OPCML: variants seen among roughly 807,000 people sequenced by gnomAD.
OPCML encodes opioid binding protein/cell adhesion molecule like, also known as opioid-binding protein/cell adhesion molecule.
OPCML carries 13 observed loss-of-function variants against 37.8 expected under a neutral mutation model. The observed-to-expected ratio is 0.34, with a 90% CI of 0.22 to 0.55. The LOEUF (loss-of-function observed/expected upper bound fraction) is 0.55, where lower values mean the gene tolerates loss of function less well. OPCML is among the 20% of genes least tolerant of loss of function. The probability of loss-of-function intolerance (pLI) is 0.91; values close to 1 mark genes in which losing one functional copy is unlikely to be tolerated. For missense variants in OPCML, 341 were observed against 435.6 expected (o/e 0.78, Z 1.93); for synonymous variants, 176 against 168.8 (o/e 1.04, Z -0.33).
chr11:132,940,949 T>A (rs551610928), intron 2 of OPCML, among the ~76,000 whole-genome samples: 1 of 152,222 alleles, frequency 6.6e-6, no homozygotes, highest in South Asian at 2.1e-4. Flanking sequence ...GATAACGTGC[T>A]GAATTTCCCT....
intron 1 of OPCML, among the ~76,000 whole-genome samples, chr11:133,343,162 A>G (rs1479037208): frequency 6.6e-6 from 1 of 152,042 alleles, no homozygotes; most frequent in Non-Finnish European, 1.5e-5. Flanking sequence ...ATTACAAGAG[A>G]GTAACAAAGT....
intron 4 of OPCML, among the ~76,000 whole-genome samples, chr11:132,458,280 A>G (rs1334387159): frequency 6.6e-6 from 1 of 152,242 alleles, no homozygotes; most frequent in Non-Finnish European, 1.5e-5. Flanking sequence ...TAACATGCAT[A>G]GAAGATAAGT....
intron 4 of OPCML, among the ~76,000 whole-genome samples, chr11:132,484,986 T>A (rs2096194741): frequency 6.6e-6 from 1 of 152,132 alleles, no homozygotes; most frequent in Admixed American, 6.6e-5. Flanking sequence ...AGTTAGTGGG[T>A]GCAGCACACC....
intron 4 of OPCML, among the ~76,000 whole-genome samples, chr11:132,462,799 C>T (rs552562138): frequency 5.3e-5 from 8 of 152,222 alleles, no homozygotes; most frequent in South Asian, 2.1e-4. Context: ...GGCTGGTAAC[C>T]GTGCCTGGAT....
intron 1 of OPCML, among the ~76,000 whole-genome samples, chr11:133,222,411 C>A (rs1420543939): frequency 1.3e-5 from 2 of 152,134 alleles, no homozygotes; most frequent in African/African-American, 4.8e-5. Context: ...AAGGCAAAGC[C>A]AACAGGACGA....
intron 1 of OPCML, among the ~76,000 whole-genome samples, chr11:133,034,581 G>T (rs1947741062): frequency 6.6e-6 from 1 of 152,158 alleles, no homozygotes; most frequent in African/African-American, 2.4e-5. Flanking sequence ...TGGTCAAATT[G>T]CTGACCTTTA....
intron 1 of OPCML, among the ~76,000 whole-genome samples, chr11:133,136,988 A>G (rs1221827981): frequency 6.6e-6 from 1 of 152,120 alleles, no homozygotes; most frequent in African/African-American, 2.4e-5. Flanking sequence ...TTTTGAAAAA[A>G]TGGTTATGAC....
At chr11:133,167,527 C>CTTTT (rs67384165) in intron 1 of OPCML, among the ~76,000 whole-genome samples, 4 of 143,482 alleles carry the variant, frequency 2.8e-5, no homozygotes, top group African/African-American at 1.0e-4. Flanking sequence ...CTTTCTTTCT[C>CTTTT]TTTTTTTTTT....
At chr11:133,089,214 GAT>G (rs1275438923) in intron 1 of OPCML, among the ~76,000 whole-genome samples, 1 of 152,166 alleles carries the variant, frequency 6.6e-6, no homozygotes, top group Non-Finnish European at 1.5e-5. Context: ...GACAAGTAGA[GAT>G]ATACAGATAG....
chr11:133,210,386 G>A (rs894504280), intron 1 of OPCML, among the ~76,000 whole-genome samples: 2 of 151,902 alleles, frequency 1.3e-5, no homozygotes, highest in Non-Finnish European at 1.5e-5. Context: ...TCTTTCTCCC[G>A]CCAGCCCCTC....
chr11:132,416,930 C>G lies in OPCML; in HGVS notation c.*3263G>C, dbSNP rs967668020. 6.6e-6 allele frequency: 1 copy of G among 152,600 alleles called. No homozygotes were observed. Among genetic ancestry groups the G allele is most frequent in the Admixed American group, 6.5e-5 (1 of 15,282 alleles). 9.5% of individuals were successfully genotyped at this position (152,600 alleles called of 1,614,324 possible). ...CTTGGCTGCAGCCTTAACACGAGCA[C>G]TTTCATTGGCATTACTTTGGTGGAA... On this transcript the variant is annotated 3_prime_UTR_variant, in exon 8 of 8. Transcript: ENST00000524381.
chr11:133,348,561 C>T (rs1944054192), intron 1 of OPCML, among the ~76,000 whole-genome samples: 1 of 152,158 alleles, frequency 6.6e-6, no homozygotes, highest in African/African-American at 2.4e-5. Context: ...AAGCCACTCA[C>T]AAATAGAGGA....
At chr11:133,525,724 T>G (rs1480744626) in intron 1 of OPCML, among the ~76,000 whole-genome samples, 3 of 152,186 alleles carry the variant, frequency 2.0e-5, no homozygotes, top group Non-Finnish European at 4.4e-5. Flanking sequence ...GGTTCCAGAA[T>G]GACCGCTCAG....
chr11:132,961,911 G>A (rs1420741259), intron 1 of OPCML, among the ~76,000 whole-genome samples: 1 of 152,110 alleles, frequency 6.6e-6, no homozygotes, highest in Non-Finnish European at 1.5e-5. Flanking sequence ...ACCTTCCCTG[G>A]GCAGTCTTCC....
chr11:132,506,887 G>T (rs1297021542), intron 4 of OPCML, among the ~76,000 whole-genome samples: 1 of 151,538 alleles, frequency 6.6e-6, no homozygotes, highest in Non-Finnish European at 1.5e-5. Flanking sequence ...CCTGCAAGTG[G>T]GTTAAACTCC....
chr11:133,134,332 A>G (rs1949649338), intron 1 of OPCML, among the ~76,000 whole-genome samples: 2 of 152,168 alleles, frequency 1.3e-5, no homozygotes, highest in African/African-American at 2.4e-5. Context: ...CTACAAAATG[A>G]AATCCACATA....
At position 133,173,629 on chromosome 11, in the gene OPCML, T is replaced by C. The variant is rs763681482; in HGVS notation, c.62-230619A>G. 3.3e-5 allele frequency among the ~76,000 whole-genome samples: 5 copies of C among 152,140 alleles called. No individual in the cohort carries two copies. Among genetic ancestry groups the C allele is most frequent in the Non-Finnish European group, 7.4e-5 (5 of 68,008 alleles). ...CCCAGATGCCTCTCATTGCAAAAAT[T>C]AGCAGTAACGCGATGAGGCTAACGT... is the stretch of plus-strand genomic sequence containing the variant. On this transcript the variant is annotated intron_variant, in intron 1 of 7. Transcript: ENST00000524381. The surrounding 1 kb of genome is among the most constrained non-coding windows in gnomAD (Gnocchi z 7.8).
chr11:132,746,460 C>G (rs564761220), intron 2 of OPCML, among the ~76,000 whole-genome samples: 3 of 152,160 alleles, frequency 2.0e-5, no homozygotes, highest in Admixed American at 6.5e-5. Flanking sequence ...CTCCTCCCCC[C>G]ACCTCTGTGT....
intron 3 of OPCML, among the ~76,000 whole-genome samples, chr11:132,600,402 G>A (rs548949957): frequency 1.3e-5 from 2 of 152,210 alleles, no homozygotes; most frequent in Admixed American, 1.3e-4. Context: ...CCAAAGGCCA[G>A]CATGGGTCTT....
Sources: gnomAD v4.1 joint callset for allele counts (sites outside exome capture counted in the v4.1 genomes callset) on GRCh38, gnomAD v4.1.1 for gene constraint, Gnocchi (gnomAD v3.1) non-coding constraint, MANE v1.5 for transcripts, NCBI Gene and HGNC (gene_info 2026-07-23, HGNC 2026-07-21) for gene names.